ZBTB25: variants seen among roughly 807,000 people sequenced by gnomAD.
The protein encoded by ZBTB25 is zinc finger and BTB domain-containing protein 25.
Under a neutral mutation model 34.2 loss-of-function variants are expected in ZBTB25, and 20 were observed. That is an observed-to-expected ratio of 0.58 (90% CI 0.41 to 0.85). The LOEUF (loss-of-function observed/expected upper bound fraction) is 0.85. Ranked by LOEUF, ZBTB25 falls within the 40% of genes least tolerant of loss-of-function variation. The pLI, the probability that ZBTB25 is intolerant of heterozygous loss-of-function variation, is 0.00. For missense variants in ZBTB25, 437 were observed against 521.8 expected (o/e 0.84, Z 1.58); for synonymous variants, 175 against 186.4 (o/e 0.94, Z 0.50).
At position 64,478,637 on chromosome 14, in the gene ZBTB25, T is replaced by A. The variant is rs1246653913; in HGVS notation, c.*8286A>T. 1 of 152,218 alleles carries A rather than the reference T, an allele frequency of 6.6e-6. No individual in the cohort carries two copies. Among genetic ancestry groups the A allele is most frequent in the South Asian group, 2.1e-4 (1 of 4,830 alleles). 9.4% of individuals were successfully genotyped at this position (152,218 alleles called of 1,614,324 possible). The stretch of plus-strand genomic sequence containing the variant: ...TGCTCAATGTAGCACAATAATGTGA[T>A]ATTTTAAAAAGTTATCTGCTGAGAT... On this transcript the variant is annotated 3_prime_UTR_variant, in exon 3 of 3. Coordinates refer to ENST00000608382, the MANE Select transcript of ZBTB25 (RefSeq NM_006977.5).
Position 64,468,695 on chromosome 14 carries a change from T to C in ZBTB25, c.174-19057A>G, listed in dbSNP as rs773502927. On this transcript the variant is annotated intron_variant, in intron 2 of 2. Transcript: ENST00000555220. ...AGAGTCTTCAAAGCAGCAAAAGCCATTGGAGGGTGAAATGCAACCTGCAAT... is the reference window on the plus strand; with the variant it reads ...AGAGTCTTCAAAGCAGCAAAAGCCACTGGAGGGTGAAATGCAACCTGCAAT... 6.2e-6 allele frequency: 10 copies of C among 1,614,054 alleles called. No homozygotes were observed. The South Asian group carries it at 7.7e-5, about 12-fold the overall frequency.
At chr14:64,472,326 A>C (rs2078681497) in intron 2 of ZBTB25, 1 of 167,096 alleles carries the variant, frequency 6.0e-6, no homozygotes, top group Non-Finnish European at 1.5e-5. Flanking sequence ...ATACACTTGC[A>C]TTGTAAATGT....
At chr14:64,457,308 G>A (rs754679333) in intron 2 of ZBTB25, among the ~76,000 whole-genome samples, 2 of 152,164 alleles carry the variant, frequency 1.3e-5, no homozygotes, top group African/African-American at 2.4e-5. Flanking sequence ...CTGAGGAGGC[G>A]AGTGAGCAAC....
chr14:64,485,534 T>C lies in ZBTB25; in HGVS notation c.*1389A>G, dbSNP rs1482080342. ...TTCATCAACTTTAATTTTCCTGGGG[T>C]TTTAGCTTTGTAAGTGTCACCATTA... On this transcript the variant is annotated 3_prime_UTR_variant, in exon 3 of 3. Coordinates refer to ENST00000608382, the MANE Select transcript of ZBTB25 (RefSeq NM_006977.5). 4.1e-6 allele frequency: 4 copies of C among 985,218 alleles called. 1 individual carries two copies. Among genetic ancestry groups the C allele is most frequent in the Non-Finnish European group, 1.2e-6 (1 of 829,890 alleles). 61.0% of individuals were successfully genotyped at this position (985,218 alleles called of 1,614,324 possible).
intron 2 of ZBTB25, chr14:64,461,348 C>T (rs913968879): frequency 2.0e-5 from 3 of 152,308 alleles, no homozygotes; most frequent in African/African-American, 7.2e-5. Flanking sequence ...AGCCCCAGCT[C>T]TATGGCAGAG....
intron 2 of ZBTB25, among the ~76,000 whole-genome samples, chr14:64,457,256 C>G (rs2078489266): frequency 6.6e-6 from 1 of 152,122 alleles, no homozygotes; most frequent in South Asian, 2.1e-4. Flanking sequence ...AATTTAAAAG[C>G]AGGCAAGCCC....
chr14:64,460,087 C>A (rs2078536736), intron 2 of ZBTB25: 5 of 651,610 alleles, frequency 7.7e-6, no homozygotes, highest in Non-Finnish European at 1.3e-5. Flanking sequence ...ATTTGTCAGG[C>A]AGACCCTTGG....
intron 1 of ZBTB25, among the ~76,000 whole-genome samples, chr14:64,498,598 A>C (rs1384288448): frequency 6.6e-6 from 1 of 151,858 alleles, no homozygotes; most frequent in Admixed American, 6.6e-5. Flanking sequence ...GGCGTAGGCC[A>C]CTGTTCCCGG....
chr14:64,457,459 CTT>C (rs35789478), intron 2 of ZBTB25, among the ~76,000 whole-genome samples: 23 of 143,082 alleles, frequency 1.6e-4, no homozygotes, highest in Admixed American at 1.4e-4. Context: ...TTTTCTTTTC[CTT>C]TTTTTTTTTT....
At chr14:64,454,885 T>C in intron 2 of ZBTB25, 14 of 1,614,022 alleles carry the variant, frequency 8.7e-6, no homozygotes, top group Non-Finnish European at 1.2e-5. Context: ...GGTAAGTGCA[T>C]GCTGCAAGGG....
intron 2 of ZBTB25, chr14:64,468,437 G>A (rs769142322): frequency 1.9e-6 from 3 of 1,613,338 alleles, no homozygotes; most frequent in South Asian, 2.2e-5. Flanking sequence ...AAACAAGGAT[G>A]AGAAGAGATC....
Position 64,487,324 on chromosome 14 carries a change from T to A in ZBTB25, c.907A>T (p.Lys303Ter), listed in dbSNP as rs770423469. 1.9e-6 allele frequency: 3 copies of A among 1,614,026 alleles called. No individual in the cohort carries two copies. In the East Asian group the frequency reaches 6.7e-5, roughly 36 times the overall value. Residue 303 changes from lysine (K) to a stop codon, truncating the protein, a stop_gained, in exon 3 of 3, where the codon AAG becomes TAG. Transcript: ENST00000608382. LOFTEE classifies it high-confidence loss of function. ...ECRRLSSFIV[K>*]ENEQQPDHTN... ...TGGTCTGGCTGCTGTTCATTCTCCT[T>A]AACAATGAAGGAGCTGAGCCTGCGG...
downstream of ZBTB25, among the ~76,000 whole-genome samples, chr14:64,475,608 T>C (rs1239550438): frequency 3.9e-5 from 6 of 152,194 alleles, no homozygotes; most frequent in African/African-American, 1.4e-4. Context: ...TTTTCTTTCT[T>C]TCTTCCTTCC....
At chr14:64,499,830 G>A (rs2079424733) in intron 1 of ZBTB25, among the ~76,000 whole-genome samples, 1 of 152,218 alleles carries the variant, frequency 6.6e-6, no homozygotes, top group South Asian at 2.1e-4. Flanking sequence ...AAGATCTACT[G>A]AGAATGTTAG....
chr14:64,500,944 G>C (rs533949422), intron 1 of ZBTB25, among the ~76,000 whole-genome samples: 2 of 152,152 alleles, frequency 1.3e-5, no homozygotes, highest in African/African-American at 4.8e-5. Flanking sequence ...CCAGCTACTC[G>C]GGAGGCTGAA....
chr14:64,492,842 G>A (rs1413393386), intron 1 of ZBTB25, among the ~76,000 whole-genome samples: 1 of 152,088 alleles, frequency 6.6e-6, no homozygotes, highest in Non-Finnish European at 1.5e-5. Flanking sequence ...ACAAGGCGTG[G>A]AGACAGAAAA....
At chr14:64,489,249 G>A (rs1447177475) in intron 2 of ZBTB25, among the ~76,000 whole-genome samples, 1 of 151,478 alleles carries the variant, frequency 6.6e-6, no homozygotes, top group African/African-American at 2.4e-5. Flanking sequence ...CAGCCTGGGT[G>A]ACAGAGCTAG....
At chr14:64,501,792 C>G (rs2079507236) in intron 1 of ZBTB25, among the ~76,000 whole-genome samples, 1 of 152,198 alleles carries the variant, frequency 6.6e-6, no homozygotes, top group African/African-American at 2.4e-5. Context: ...GCTAGACAGC[C>G]TGGCTCCTTC....
At chr14:64,466,155 A>G (rs1370858128) in intron 2 of ZBTB25, among the ~76,000 whole-genome samples, 2 of 152,178 alleles carry the variant, frequency 1.3e-5, no homozygotes, top group Non-Finnish European at 2.9e-5. Context: ...TTTCTGTGAC[A>G]TGAGACTTGC....
Sources: allele counts gnomAD v4.1 joint callset (sites outside exome capture counted in the v4.1 genomes callset), GRCh38; gene constraint gnomAD v4.1.1; transcripts MANE v1.5; gene names NCBI Gene and HGNC (gene_info 2026-07-23, HGNC 2026-07-21).